The following ST14 variants were observed in gnomAD, a reference collection of about 807,000 sequenced individuals.
The protein encoded by ST14 is ST14 transmembrane serine protease matriptase.
ST14 carries 40 observed loss-of-function variants against 96.5 expected under a neutral mutation model. The observed-to-expected ratio is 0.41, with a 90% CI of 0.32 to 0.54. The LOEUF (loss-of-function observed/expected upper bound fraction) is 0.54. ST14 is among the 20% of genes least tolerant of loss of function. The probability of loss-of-function intolerance (pLI) is 0.17; values close to 1 mark genes in which losing one functional copy is unlikely to be tolerated. For missense variants in ST14, 1,066 were observed against 1,188.9 expected (o/e 0.90, Z 1.52); for synonymous variants, 506 against 492.1 (o/e 1.03, Z -0.37).
intron 1 of ST14, among the ~76,000 whole-genome samples, chr11:130,178,738 T>G (rs1189060158): frequency 6.6e-6 from 1 of 152,192 alleles, no homozygotes; most frequent in Non-Finnish European, 1.5e-5. Flanking sequence ...TTTCTGGATC[T>G]TCCTTGGGGC....
intron 1 of ST14, 95 bp downstream of exon 1, chr11:130,160,155 C>A (rs377743342): frequency 3.5e-6 from 3 of 845,404 alleles, no homozygotes. Context: ...CTGGCGTGTC[C>A]GTCGGTGGCC....
chr11:130,188,100 C>T lies in ST14; in HGVS notation c.82-14C>T. On this transcript the variant is annotated splice_polypyrimidine_tract_variant and intron_variant, in intron 1 of 18. Transcript: ENST00000278742. The surrounding 1 kb of genome is among the most constrained non-coding windows in gnomAD (Gnocchi z 5.4). The stretch of plus-strand genomic sequence containing the variant: ...GGTGAGAGGGTCTGAGTGGTGGCGC[C>T]TCTCTCCCTGCAGAAAGTGAATGGC... 1 of 1,613,952 alleles carries T rather than the reference C, an allele frequency of 6.2e-7. No individual in the cohort carries two copies.
intron 1 of ST14, among the ~76,000 whole-genome samples, 194 bp downstream of exon 1, chr11:130,160,254 G>C (rs1482265254): frequency 1.3e-5 from 2 of 151,168 alleles, no homozygotes; most frequent in Admixed American, 1.3e-4. Flanking sequence ...TACCGGACCG[G>C]CTGCGCCCCG....
intron 1 of ST14, among the ~76,000 whole-genome samples, chr11:130,183,573 A>G (rs950848460): frequency 4.6e-5 from 7 of 151,834 alleles, no homozygotes; most frequent in Admixed American, 4.6e-4. Flanking sequence ...ATTGCATTGC[A>G]TCTATAGCTA....
chr11:130,177,172 C>T (rs1321998308), intron 1 of ST14, among the ~76,000 whole-genome samples: 1 of 152,050 alleles, frequency 6.6e-6, no homozygotes, highest in African/African-American at 2.4e-5. Flanking sequence ...TTTCTGACTT[C>T]CAACTCTATT....
chr11:130,171,161 A>G (rs185147296), intron 1 of ST14, among the ~76,000 whole-genome samples: 6 of 152,236 alleles, frequency 3.9e-5, no homozygotes, highest in Non-Finnish European at 7.4e-5. Context: ...TTTTGTTTCT[A>G]TTTAATGTGT....
chr11:130,175,348 C>A (rs1410908880), intron 1 of ST14, among the ~76,000 whole-genome samples: 1 of 151,708 alleles, frequency 6.6e-6, no homozygotes, highest in East Asian at 1.9e-4. Context: ...TCACTCTTTT[C>A]TTTTCTTTTC....
intron 16 of ST14, 66 bp from the exon 17 acceptor site, chr11:130,208,344 G>C (rs1953509238): frequency 4.3e-6 from 7 of 1,609,746 alleles, no homozygotes; most frequent in South Asian, 3.3e-5. Flanking sequence ...GGGAACGCGC[G>C]GGGCCGCGAG....
In ST14 at chr11:130,190,681, C is replaced by A. The variant is rs765262500; in HGVS notation, c.862C>A (p.His288Asn). The A allele has an allele frequency of 6.3e-7, 1 of 1,589,980 alleles. No individual in the cohort carries two copies. The highest frequency in any genetic ancestry group is 1.1e-5 in the South Asian group (1 of 87,948). Residue 288 changes from histidine (H) to asparagine (N), a missense_variant, in exon 7 of 19, where the codon CAC (histidine) becomes AAC (asparagine). Coordinates refer to ENST00000278742, the MANE Select transcript of ST14 (RefSeq NM_021978.4). ...VYNTLSPMEP[H>N]ALVQLCGTYP... The stretch of plus-strand genomic sequence containing the variant: ...CAACACCCTGAGCCCCATGGAGCCC[C>A]ACGCCCTGGTGCAGTGAGTACCCCG...
intron 8 of ST14, 152 bp from the exon 9 acceptor site, chr11:130,194,488 C>T (rs1044456811): frequency 8.4e-5 from 93 of 1,105,758 alleles, no homozygotes; most frequent in Non-Finnish European, 1.1e-4. Flanking sequence ...GAAGCTTCGG[C>T]ACCCGGCACC....
chr11:130,199,521 C>T (rs1224488782), intron 15 of ST14, among the ~76,000 whole-genome samples: 1 of 152,200 alleles, frequency 6.6e-6, no homozygotes, highest in African/African-American at 2.4e-5. Flanking sequence ...TCTGTGACCT[C>T]ACATCAGCGG....
intron 9 of ST14, 42 bp from the exon 10 acceptor site, chr11:130,196,297 G>T: frequency 6.7e-7 from 1 of 1,495,914 alleles, no homozygotes; most frequent in Non-Finnish European, 9.1e-7. Flanking sequence ...TCAGGGAGGA[G>T]GGAGGGGAAC....
At chr11:130,168,715 G>T (rs1425868390) in intron 1 of ST14, among the ~76,000 whole-genome samples, 1 of 152,154 alleles carries the variant, frequency 6.6e-6, no homozygotes, top group South Asian at 2.1e-4. Flanking sequence ...ATTCCCCCAG[G>T]ATAGAGTCTG....
At chr11:130,171,135 T>C (rs999118096) in intron 1 of ST14, among the ~76,000 whole-genome samples, 3 of 152,214 alleles carry the variant, frequency 2.0e-5, no homozygotes, top group Non-Finnish European at 4.4e-5. Context: ...TGCTCTTTTC[T>C]CTTGTTTTTT....
At chr11:130,207,810 C>T (rs753431914) in intron 16 of ST14, among the ~76,000 whole-genome samples, 1 of 152,134 alleles carries the variant, frequency 6.6e-6, no homozygotes, top group Admixed American at 6.5e-5. Flanking sequence ...TGGTGGCTCA[C>T]GCCTGTAATC....
chr11:130,208,953 G>A (rs1232859354), intron 17 of ST14, among the ~76,000 whole-genome samples: 1 of 152,176 alleles, frequency 6.6e-6, no homozygotes, highest in Non-Finnish European at 1.5e-5. Context: ...TTGTGCATGC[G>A]CGTAATGAAG....
chr11:130,197,537 G>GCAGGC (rs1473322853), intron 11 of ST14, among the ~76,000 whole-genome samples: 1 of 152,232 alleles, frequency 6.6e-6, no homozygotes, highest in East Asian at 1.9e-4. Flanking sequence ...GCAGGGCAGG[G>GCAGGC]CCTGCGACCA....
chr11:130,190,689 G>T lies in ST14; in HGVS notation c.870G>T (p.Leu290=). 6.3e-7 allele frequency: 1 copy of T among 1,583,140 alleles called. No individual in the cohort carries two copies. Among genetic ancestry groups the T allele is most frequent in the South Asian group, 1.1e-5 (1 of 87,314 alleles). ...NTLSPMEPHA[L]VQLCGTYPPS... ...TGAGCCCCATGGAGCCCCACGCCCT[G>T]GTGCAGTGAGTACCCCGGGGGGCGG... The change falls in exon 7 of 19, where the codon CTG becomes CTT. Residue 290 remains leucine, a synonymous_variant. Transcript: ENST00000278742.
chr11:130,185,196 C>T (rs375964948), intron 1 of ST14, among the ~76,000 whole-genome samples: 1 of 151,720 alleles, frequency 6.6e-6, no homozygotes. Context: ...ATACAAGATG[C>T]CATGAAAGAG....
Sources: allele counts gnomAD v4.1 joint callset (sites outside exome capture counted in the v4.1 genomes callset), GRCh38; gene constraint gnomAD v4.1.1; non-coding constraint Gnocchi (gnomAD v3.1); transcripts MANE v1.5; gene names NCBI Gene and HGNC (gene_info 2026-07-23, HGNC 2026-07-21).